Variants in ZFPM1 observed in about 807,000 individuals in gnomAD.
ZFPM1 encodes zinc finger protein, FOG family member 1.
In ZFPM1, 28 loss-of-function variants were observed where a neutral mutation model predicts 46.3. The ratio of observed to expected loss-of-function variants is 0.60; its 90% CI spans 0.45 to 0.83. ZFPM1 has a LOEUF of 0.83. Ranked by LOEUF, ZFPM1 falls within the 40% of genes least tolerant of loss-of-function variation. ZFPM1 has a pLI of 0.00. For missense variants in ZFPM1, 1,878 were observed against 1,432.4 expected (o/e 1.31, Z -5.02); for synonymous variants, 957 against 675.9 (o/e 1.42, Z -6.45).
chr16:88,527,930 C>G, intron 5 of ZFPM1, 102 bp from the exon 6 acceptor site: 1 of 1,225,292 alleles, frequency 8.2e-7, no homozygotes, highest in African/African-American at 1.5e-5. Context: ...TGGCTGTGAA[C>G]CCGGGTGGCC....
At chr16:88,513,489 G>A (rs1033127922) in intron 3 of ZFPM1, among the ~76,000 whole-genome samples, 4 of 152,246 alleles carry the variant, frequency 2.6e-5, no homozygotes, top group African/African-American at 4.8e-5. Flanking sequence ...GCCAGGCCAC[G>A]TGAGGCCTCT....
At chr16:88,463,360 G>A (rs181912517) in intron 1 of ZFPM1, among the ~76,000 whole-genome samples, 242 of 152,340 alleles carry the variant, frequency 1.6e-3, no homozygotes, top group African/African-American at 5.6e-3. Context: ...CCAGACCCTC[G>A]TGATGGGAGG....
intron 9 of ZFPM1, 63 bp from the exon 10 acceptor site, chr16:88,533,084 TC>T: frequency 1.4e-6 from 1 of 705,012 alleles, no homozygotes; most frequent in Non-Finnish European, 2.0e-6. Context: ...GAGCTCGCCC[TC>T]CAGCTCTGAC....
Position 88,528,242 on chromosome 16 carries a change from A to G in ZFPM1, c.712+4A>G, listed in dbSNP as rs199818856. On this transcript the variant is annotated splice_donor_region_variant and intron_variant, in intron 6 of 9. Coordinates refer to ENST00000319555, the MANE Select transcript of ZFPM1 (RefSeq NM_153813.3). ...CTTGCCACCGCAGTGATCAACAGTAAGTGCTGGGCTCTCCGCACCCAGGGC... is the reference window on the plus strand; with the variant it reads ...CTTGCCACCGCAGTGATCAACAGTAGGTGCTGGGCTCTCCGCACCCAGGGC... 6 of 1,592,942 alleles carry G rather than the reference A, an allele frequency of 3.8e-6. No individual in the cohort carries two copies. The highest frequency in any genetic ancestry group is 1.7e-5 in the Admixed American group (1 of 59,194).
At chr16:88,527,376 G>C (rs896906623) in intron 5 of ZFPM1, among the ~76,000 whole-genome samples, 4 of 152,222 alleles carry the variant, frequency 2.6e-5, no homozygotes, top group African/African-American at 9.6e-5. Flanking sequence ...TTGCCGTGCT[G>C]CTGCTACTGA....
intron 3 of ZFPM1, 164 bp downstream of exon 3, chr16:88,489,317 G>C: frequency 1.7e-6 from 2 of 1,163,836 alleles, no homozygotes; most frequent in Non-Finnish European, 2.3e-6. Context: ...CGTGCAGCTG[G>C]TGGTATCACT....
rs1180082107 is a variant in ZFPM1, at chr16:88,471,283, G to T, written c.41-14656G>T. ...GCAGCCATGTGTGACCTCCACCCTC[G>T]CGAAGGCCAGCGGCCGCAGGGTCTG... On this transcript the variant is annotated intron_variant, in intron 1 of 9. Transcript: ENST00000319555. The surrounding 1 kb of genome is among the most constrained non-coding windows in gnomAD (Gnocchi z 4.1). Among the ~76,000 whole-genome samples the T allele has an allele frequency of 2.6e-5, 4 of 152,232 alleles. No individual in the cohort carries two copies. Among genetic ancestry groups the T allele is most frequent in the South Asian group, 2.1e-4 (1 of 4,830 alleles).
In ZFPM1 at chr16:88,534,752, C is replaced by T; in HGVS notation, c.2794C>T (p.Pro932Ser). The change falls in exon 10 of 10, where the codon CCG becomes TCG. Residue 932 changes from proline to serine, a missense_variant. Pro to Ser is a moderately conservative substitution (Grantham distance 74, BLOSUM62 -1). Coordinates refer to ENST00000319555, the MANE Select transcript of ZFPM1 (RefSeq NM_153813.3). Reference sequence around the variant, plus strand: ...GGAGCCCCAGGAGCCGCCGCCCGGCCCGCCCCCGTCCCCGGCCGCCGCGCC... The same window carrying T: ...GGAGCCCCAGGAGCCGCCGCCCGGCTCGCCCCCGTCCCCGGCCGCCGCGCC... ...GPEPQEPPPG[P>S]PPSPAAAPEA... 1 of 1,036,158 alleles carries T rather than the reference C, an allele frequency of 9.7e-7. No individual in the cohort carries two copies. 64.2% of individuals were successfully genotyped at this position (1,036,158 alleles called of 1,614,324 possible). A position where few individuals can be genotyped will look rare whatever the true frequency, so the allele number is the denominator to read the frequency against.
intron 4 of ZFPM1, among the ~76,000 whole-genome samples, chr16:88,517,324 CGGTGGGTG>C (rs1198900464): frequency 4.1e-5 from 2 of 49,344 alleles, no homozygotes; most frequent in African/African-American, 1.4e-4. Flanking sequence ...ATGAGTGGGT[CGGTGGGTG>C]GGTAGGTGGG....
At chr16:88,500,676 C>G (rs1034445615) in intron 3 of ZFPM1, among the ~76,000 whole-genome samples, 1 of 152,190 alleles carries the variant, frequency 6.6e-6, no homozygotes, top group African/African-American at 2.4e-5. Flanking sequence ...CCAGGTGTCA[C>G]CTCTCTCACC....
At position 88,534,069 on chromosome 16, in the gene ZFPM1, A is replaced by T. The variant is rs754199882; in HGVS notation, c.2111A>T (p.Tyr704Phe). The change falls in exon 10 of 10, where the codon TAC becomes TTC. Residue 704 changes from tyrosine to phenylalanine, a missense_variant. By Grantham distance (22) the Tyr-to-Phe change is conservative (BLOSUM62 3). Coordinates refer to ENST00000319555, the MANE Select transcript of ZFPM1 (RefSeq NM_153813.3). ...RHETYTVHKR[Y>F]YCASRHDPPP... ...GAGACCTACACCGTGCACAAGCGGT[A>T]CTACTGCGCCTCGCGCCACGACCCG... The T allele has an allele frequency of 2.4e-6, 3 of 1,258,000 alleles. No homozygotes were observed. Among genetic ancestry groups the T allele is most frequent in the Non-Finnish European group, 1.0e-6 (1 of 979,698 alleles). The allele number at this position is 1,258,000 out of a possible 1,614,324, so 77.9% of individuals were successfully genotyped here. A position where few individuals can be genotyped will look rare whatever the true frequency, so the allele number is the denominator to read the frequency against.
At chr16:88,517,390 G>T (rs1296927125) in intron 4 of ZFPM1, among the ~76,000 whole-genome samples, 1 of 150,204 alleles carries the variant, frequency 6.7e-6, no homozygotes, top group African/African-American at 2.5e-5. Context: ...GTGGATGGGT[G>T]GATGCATGGG....
At chr16:88,486,725 A>ATGCTGGGTGCACAGCGGATGGG (rs1909249269) in intron 2 of ZFPM1, among the ~76,000 whole-genome samples, 1 of 138,912 alleles carries the variant, frequency 7.2e-6, no homozygotes, top group Admixed American at 7.2e-5. Context: ...GGCACAGTGG[A>ATGCTGGGTGCACAGCGGATGGG]TGCTGGGTGC....
At chr16:88,467,604 C>A (rs1455843547) in intron 1 of ZFPM1, among the ~76,000 whole-genome samples, 1 of 152,228 alleles carries the variant, frequency 6.6e-6, no homozygotes, top group African/African-American at 2.4e-5. Flanking sequence ...CTGCTCCTGT[C>A]ATGCTGGGAC....
At chr16:88,496,073 C>G (rs987526871) in intron 3 of ZFPM1, among the ~76,000 whole-genome samples, 5 of 152,188 alleles carry the variant, frequency 3.3e-5, no homozygotes, top group African/African-American at 1.2e-4. Flanking sequence ...CAGGACACTC[C>G]ATCCCAGAGT....
At chr16:88,483,973 G>A (rs1188088651) in intron 1 of ZFPM1, among the ~76,000 whole-genome samples, 1 of 152,176 alleles carries the variant, frequency 6.6e-6, no homozygotes, top group Non-Finnish European at 1.5e-5. Flanking sequence ...TCTCTGACAT[G>A]AGCCTCTGAA....
intron 1 of ZFPM1, among the ~76,000 whole-genome samples, chr16:88,474,735 C>T (rs960147535): frequency 6.6e-6 from 1 of 152,236 alleles, no homozygotes. Context: ...CGAGCCTCCG[C>T]GGCATCCTCC....
At chr16:88,492,750 C>T (rs1301492659) in intron 3 of ZFPM1, among the ~76,000 whole-genome samples, 1 of 152,210 alleles carries the variant, frequency 6.6e-6, no homozygotes, top group African/African-American at 2.4e-5. Flanking sequence ...TGGGTCCAGC[C>T]AGGCTGCCCT....
At chr16:88,460,500 C>A (rs148939486) in intron 1 of ZFPM1, among the ~76,000 whole-genome samples, 4 of 152,344 alleles carry the variant, frequency 2.6e-5, no homozygotes, top group African/African-American at 9.6e-5. Flanking sequence ...GGACTCAAGT[C>A]CTGCCCTGGT....
Sources: allele counts gnomAD v4.1 joint callset (sites outside exome capture counted in the v4.1 genomes callset), GRCh38; gene constraint gnomAD v4.1.1; non-coding constraint Gnocchi (gnomAD v3.1); transcripts MANE v1.5; gene names NCBI Gene and HGNC (gene_info 2026-07-23, HGNC 2026-07-21).